Variants in SYNPR observed in about 807,000 individuals in gnomAD.
SYNPR encodes synaptoporin.
A neutral mutation model predicts 32.9 loss-of-function variants in SYNPR; 23 were observed. That is an observed-to-expected ratio of 0.70 (90% CI 0.50 to 0.99). The LOEUF is 0.99. Among genes scored for constraint, SYNPR ranks in the 50% least tolerant of loss-of-function variants. The pLI is 0.00. For synonymous variants in SYNPR, 146 were observed against 135.9 expected (o/e 1.07, Z -0.52); for missense variants, 318 against 349.3 (o/e 0.91, Z 0.71).
chr3:63,503,839 C>A (rs1481020810), intron 3 of SYNPR, among the ~76,000 whole-genome samples: 1 of 151,710 alleles, frequency 6.6e-6, no homozygotes, highest in Non-Finnish European at 1.5e-5. Flanking sequence ...CAGTCAGTGG[C>A]TAAGGTGATG....
intron 1 of SYNPR, among the ~76,000 whole-genome samples, chr3:63,234,428 G>A (rs994930199): frequency 6.6e-6 from 1 of 152,160 alleles, no homozygotes; most frequent in African/African-American, 2.4e-5. Context: ...GTTCCCACTG[G>A]AGGAAAGGTT....
chr3:63,576,684 G>A lies in SYNPR; in HGVS notation c.408+19943G>A, dbSNP rs150725889. 6.7e-4 allele frequency among the ~76,000 whole-genome samples: 101 copies of A among 151,794 alleles called. 2 individuals are homozygous for A. In the East Asian group the frequency reaches 0.015, roughly 23 times the overall value. On this transcript the variant is annotated intron_variant, in intron 4 of 5. Coordinates refer to ENST00000478300, the MANE Select transcript of SYNPR (RefSeq NM_001130003.2). Reference sequence around the variant, plus strand: ...CACGTGCCTGTAGTCCCAGCTACTCGGGAAGTTGAGGCAGGAGAATCACTT... The same window carrying A: ...CACGTGCCTGTAGTCCCAGCTACTCAGGAAGTTGAGGCAGGAGAATCACTT...
chr3:63,261,068 AG>A (rs1006747138), intron 2 of SYNPR, among the ~76,000 whole-genome samples: 42 of 152,292 alleles, frequency 2.8e-4, no homozygotes, highest in African/African-American at 9.1e-4. Flanking sequence ...AGGAAACAAC[AG>A]GTGCTGGAGA....
chr3:63,335,352 C>CAAAAAAAAAAAAAAAAA (rs35394118), intron 2 of SYNPR, among the ~76,000 whole-genome samples: 1 of 84,954 alleles, frequency 1.2e-5, no homozygotes, highest in Non-Finnish European at 2.2e-5. Flanking sequence ...GACTCCGTCT[C>CAAAAAAAAAAAAAAAAA]AAAAAAAAAA....
intron 3 of SYNPR, among the ~76,000 whole-genome samples, chr3:63,553,020 G>A (rs2106823442): frequency 1.3e-5 from 2 of 152,070 alleles, no homozygotes; most frequent in Middle Eastern, 6.8e-3. Flanking sequence ...GTGCAGGTGT[G>A]TTACATGGGA....
intron 2 of SYNPR, among the ~76,000 whole-genome samples, chr3:63,445,029 G>T (rs1356900635): frequency 1.3e-5 from 2 of 151,236 alleles, no homozygotes. Context: ...AAACTCACCA[G>T]CATGGAACAT....
At chr3:63,340,886 G>C (rs556155489) in intron 2 of SYNPR, among the ~76,000 whole-genome samples, 1 of 152,154 alleles carries the variant, frequency 6.6e-6, no homozygotes, top group East Asian at 1.9e-4. Context: ...ATTATTATTG[G>C]CTGAAGTTCA....
At chr3:63,286,214 T>A (rs1032117842) in intron 2 of SYNPR, among the ~76,000 whole-genome samples, 2 of 152,166 alleles carry the variant, frequency 1.3e-5, no homozygotes, top group Non-Finnish European at 2.9e-5. Flanking sequence ...CAAAGAAAAT[T>A]CCAGCAAGGC....
intron 3 of SYNPR, among the ~76,000 whole-genome samples, chr3:63,540,864 A>G (rs182153106): frequency 6.8e-6 from 1 of 147,056 alleles, no homozygotes; most frequent in African/African-American, 2.5e-5. Context: ...AGTGAGGTTC[A>G]TGTGAAATTT....
At chr3:63,614,827 T>C (rs986675577) in intron 5 of SYNPR, among the ~76,000 whole-genome samples, 17 of 152,200 alleles carry the variant, frequency 1.1e-4, no homozygotes, top group Admixed American at 7.2e-4. Flanking sequence ...GAAGGATACT[T>C]TATTTGGAGA....
chr3:63,252,203 G>T (rs1040443067), intron 1 of SYNPR, among the ~76,000 whole-genome samples: 2 of 152,092 alleles, frequency 1.3e-5, no homozygotes, highest in African/African-American at 4.8e-5. Context: ...ATGTTTCAAG[G>T]ATATGAATGA....
chr3:63,278,697 C>T lies in SYNPR; in HGVS notation c.39C>T (p.Phe13=), dbSNP rs2086600080. 6 of 1,551,662 alleles carry T rather than the reference C, an allele frequency of 3.9e-6. No individual in the cohort carries two copies. The highest frequency in any genetic ancestry group is 5.2e-6 in the Non-Finnish European group (6 of 1,146,982). The change falls in exon 2 of 6, where the codon TTC becomes TTT. Residue 13 remains phenylalanine, a synonymous_variant. Coordinates refer to ENST00000478300, the MANE Select transcript of SYNPR (RefSeq NM_001130003.2). ...PVSQLASAGT[F]RVLKEPLAFL... is the part of the protein sequence containing the mutation. ...CAAAGCTGGCCTCTGCGGGCACCTT[C>T]CGGGTGCTGAAGGAGCCCCTTGCCT... is the stretch of plus-strand genomic sequence containing the variant.
chr3:63,529,783 C>A (rs1702077896), intron 3 of SYNPR, among the ~76,000 whole-genome samples: 1 of 152,180 alleles, frequency 6.6e-6, no homozygotes, highest in Non-Finnish European at 1.5e-5. Flanking sequence ...CTAGGAGGCC[C>A]TTTTTGGCAC....
intron 2 of SYNPR, among the ~76,000 whole-genome samples, chr3:63,476,061 GAGGA>G (rs1212504051): frequency 2.0e-5 from 3 of 147,640 alleles, no homozygotes; most frequent in Non-Finnish European, 3.0e-5. Flanking sequence ...AGGAGAGAGA[GAGGA>G]AGGAAGGAAG....
At chr3:63,222,457 G>A in the SYNPR span, among the ~76,000 whole-genome samples, 2 of 152,042 alleles carry the variant, frequency 1.3e-5, no homozygotes, top group Admixed American at 6.6e-5. Flanking sequence ...AGTATATGGG[G>A]TGGCTTAAGA....
At chr3:63,481,411 A>T (rs1701044441) in intron 3 of SYNPR, among the ~76,000 whole-genome samples, 1 of 150,900 alleles carries the variant, frequency 6.6e-6, no homozygotes. Flanking sequence ...TATGGAACAC[A>T]TCCTTAATAT....
chr3:63,308,514 G>A (rs1367977607), intron 2 of SYNPR, among the ~76,000 whole-genome samples: 1 of 151,760 alleles, frequency 6.6e-6, no homozygotes, highest in Non-Finnish European at 1.5e-5. Flanking sequence ...GGTGGTATAT[G>A]TTTTCAGCCT....
intron 4 of SYNPR, among the ~76,000 whole-genome samples, chr3:63,597,455 A>G (rs1425042292): frequency 2.0e-5 from 3 of 152,176 alleles, no homozygotes; most frequent in Non-Finnish European, 4.4e-5. Context: ...ACATGAAAAG[A>G]TGAGCACTTG....
chr3:63,554,080 A>G (rs1702553618), intron 3 of SYNPR, among the ~76,000 whole-genome samples: 1 of 152,002 alleles, frequency 6.6e-6, no homozygotes, highest in Non-Finnish European at 1.5e-5. Context: ...GGGGCTGTTC[A>G]TTTCTTGCTT....
Sources: allele counts gnomAD v4.1 joint callset (sites outside exome capture counted in the v4.1 genomes callset), GRCh38; gene constraint gnomAD v4.1.1; transcripts MANE v1.5; gene names NCBI Gene and HGNC (gene_info 2026-07-23, HGNC 2026-07-21).